The following SLC25A21 variants were observed in gnomAD, a reference collection of about 807,000 sequenced individuals.
SLC25A21 encodes the protein mitochondrial 2-oxodicarboxylate carrier.
In SLC25A21, 47 loss-of-function variants were observed where a neutral mutation model predicts 43.8. The observed-to-expected ratio is 1.07, with a 90% CI of 0.85 to 1.37. The LOEUF (loss-of-function observed/expected upper bound fraction) is 1.37, where lower values mean the gene tolerates loss of function less well. Among genes scored for constraint, SLC25A21 ranks in the 40% most tolerant of loss-of-function variants. SLC25A21 has a pLI of 0.00. For missense variants in SLC25A21, 352 were observed against 350.2 expected, an observed-to-expected ratio of 1.00 and a Z score of -0.04; for synonymous variants, 131 against 121.3, an observed-to-expected ratio of 1.08 and a Z score of -0.52.
At chr14:36,750,229 C>G (rs1401391161) in intron 3 of SLC25A21, among the ~76,000 whole-genome samples, 1 of 152,050 alleles carries the variant, frequency 6.6e-6, no homozygotes, top group African/African-American at 2.4e-5. Flanking sequence ...GGTTTCTTAC[C>G]AAAATGGCTA....
At chr14:36,836,364 T>C (rs941445506) in intron 2 of SLC25A21, among the ~76,000 whole-genome samples, 1 of 152,216 alleles carries the variant, frequency 6.6e-6, no homozygotes. Flanking sequence ...TTTCTTATGA[T>C]ATATTAGTGC....
At chr14:36,959,366 C>T (rs971181692) in intron 1 of SLC25A21, among the ~76,000 whole-genome samples, 42 of 152,264 alleles carry the variant, frequency 2.8e-4, no homozygotes, top group Admixed American at 2.1e-3. Context: ...TAAAAACAAA[C>T]CCCAGGAAAT....
chr14:36,920,657 C>A (rs572215686), intron 1 of SLC25A21, among the ~76,000 whole-genome samples: 45 of 152,060 alleles, frequency 3.0e-4, no homozygotes, highest in African/African-American at 1.0e-3. Flanking sequence ...TTATTTTTAC[C>A]TCCATTCTTG....
intron 1 of SLC25A21, among the ~76,000 whole-genome samples, chr14:37,087,239 T>G (rs1241505272): frequency 6.6e-6 from 1 of 152,216 alleles, no homozygotes; most frequent in Non-Finnish European, 1.5e-5. Context: ...CTAAGCATCA[T>G]GGACCAAATA....
At chr14:37,133,445 TAC>T (rs1963425278) in intron 1 of SLC25A21, among the ~76,000 whole-genome samples, 1 of 151,878 alleles carries the variant, frequency 6.6e-6, no homozygotes, top group South Asian at 2.1e-4. Flanking sequence ...CTCCTTCAAA[TAC>T]AGTCCTCCTT....
rs538244680 is a variant in SLC25A21, at chr14:36,828,979, G to T, written c.120-14978C>A. Among the ~76,000 whole-genome samples, 62 of 152,218 alleles carry T rather than the reference G, an allele frequency of 4.1e-4. No individual in the cohort carries two copies. In the South Asian group the frequency reaches 7.9e-3, roughly 19 times the overall value. ...TGGAGTGGTGAAATCTCACCTCACT[G>T]CAACCTCCACCTCATGGGCTCAAAC... On this transcript the variant is annotated intron_variant, in intron 2 of 9. Coordinates refer to ENST00000331299, the MANE Select transcript of SLC25A21 (RefSeq NM_030631.4).
At chr14:36,925,043 TA>T (rs562512967) in intron 1 of SLC25A21, among the ~76,000 whole-genome samples, 158 of 152,036 alleles carry the variant, frequency 1.0e-3, no homozygotes, top group Admixed American at 3.1e-3. Context: ...AACTTAAGGT[TA>T]AAAAAATATA....
intron 2 of SLC25A21, among the ~76,000 whole-genome samples, chr14:36,852,856 C>T (rs1025949091): frequency 6.6e-6 from 1 of 152,000 alleles, no homozygotes; most frequent in Non-Finnish European, 1.5e-5. Context: ...GGAAACACTA[C>T]TAAAATTTTA....
intron 2 of SLC25A21, among the ~76,000 whole-genome samples, chr14:36,816,793 T>G (rs995634593): frequency 2.6e-5 from 4 of 152,150 alleles, no homozygotes; most frequent in African/African-American, 9.6e-5. Flanking sequence ...CATGAGCCAC[T>G]ACCCCTAGAC....
chr14:37,109,392 G>A (rs1316198120), intron 1 of SLC25A21, among the ~76,000 whole-genome samples: 1 of 151,632 alleles, frequency 6.6e-6, no homozygotes, highest in Non-Finnish European at 1.5e-5. Flanking sequence ...AAAAAAGGAG[G>A]GAAGGAAGGA....
intron 1 of SLC25A21, among the ~76,000 whole-genome samples, chr14:37,152,286 G>A (rs1399924676): frequency 6.6e-6 from 1 of 151,822 alleles, no homozygotes; most frequent in African/African-American, 2.4e-5. Flanking sequence ...ATGAGAAAAT[G>A]ATAATTTGTT....
Position 36,729,678 on chromosome 14 carries a change from G to C in SLC25A21, c.271-112C>G, listed in dbSNP as rs577313873. 2.2e-5 allele frequency: 19 copies of C among 850,080 alleles called. 2 individuals carry two copies. The South Asian group carries it at 3.2e-4, about 14-fold the overall frequency. 52.7% of individuals were successfully genotyped at this position (850,080 alleles called of 1,614,324 possible). ...TATGTTAACCAGCATTTCAAAAAAT[G>C]ATAAACTATCTAATACAGTTTTTAA... On this transcript the variant is annotated intron_variant, in intron 4 of 9. Transcript: ENST00000331299.
At chr14:36,992,189 A>G (rs1030155961) in intron 1 of SLC25A21, among the ~76,000 whole-genome samples, 12 of 152,198 alleles carry the variant, frequency 7.9e-5, no homozygotes, top group Non-Finnish European at 1.5e-4. Flanking sequence ...GCACCCTCCA[A>G]ATGGATAAAA....
intron 1 of SLC25A21, among the ~76,000 whole-genome samples, chr14:37,132,827 C>T (rs1229172338): frequency 6.6e-6 from 1 of 151,812 alleles, no homozygotes; most frequent in African/African-American, 2.4e-5. Context: ...CCTCCCCAGG[C>T]ACAGGTGATC....
chr14:36,955,265 G>A (rs1291653525), intron 1 of SLC25A21, among the ~76,000 whole-genome samples: 2 of 152,146 alleles, frequency 1.3e-5, no homozygotes, highest in Non-Finnish European at 2.9e-5. Context: ...TTGCTCAAGA[G>A]GTTATAATAA....
At chr14:37,067,318 T>C (rs1221947164) in intron 1 of SLC25A21, among the ~76,000 whole-genome samples, 1 of 152,122 alleles carries the variant, frequency 6.6e-6, no homozygotes, top group Non-Finnish European at 1.5e-5. Context: ...AAAGGACAGA[T>C]TATTCCTAAA....
chr14:36,752,722 G>A (rs774637842), intron 3 of SLC25A21, among the ~76,000 whole-genome samples: 5 of 152,310 alleles, frequency 3.3e-5, no homozygotes, highest in Non-Finnish European at 5.9e-5. Context: ...TGTTGTGGGA[G>A]GGGCCTGGTG....
chr14:36,791,460 T>C (rs554071551), intron 3 of SLC25A21, among the ~76,000 whole-genome samples: 9 of 152,306 alleles, frequency 5.9e-5, no homozygotes, highest in African/African-American at 1.9e-4. Flanking sequence ...GGCTTAATTA[T>C]AGTTCTTAGC....
intron 1 of SLC25A21, among the ~76,000 whole-genome samples, chr14:37,109,246 T>C (rs1962974661): frequency 6.6e-6 from 1 of 152,024 alleles, no homozygotes; most frequent in Admixed American, 6.6e-5. Flanking sequence ...GAGATTACGA[T>C]GGTGTGCGTG....
Sources: allele counts gnomAD v4.1 joint callset (sites outside exome capture counted in the v4.1 genomes callset), GRCh38; gene constraint gnomAD v4.1.1; transcripts MANE v1.5; gene names NCBI Gene and HGNC (gene_info 2026-07-23, HGNC 2026-07-21).